The following THSD7B variants were observed in gnomAD, a reference collection of about 807,000 sequenced individuals.
The protein encoded by THSD7B is thrombospondin type-1 domain-containing protein 7B.
Under a neutral mutation model 213.6 loss-of-function variants are expected in THSD7B, and 138 were observed. The observed-to-expected ratio is 0.65, with a 90% confidence interval of 0.56 to 0.74. THSD7B has a LOEUF of 0.74. THSD7B is among the 30% of genes least tolerant of loss of function. The pLI, the probability that THSD7B is intolerant of heterozygous loss-of-function variation, is 0.00. For synonymous variants in THSD7B, 742 were observed against 687.0 expected (o/e 1.08, Z -1.25); for missense variants, 1,931 against 1,991.5 (o/e 0.97, Z 0.58).
At chr2:136,976,452 G>A (rs1276241223) in intron 2 of THSD7B, among the ~76,000 whole-genome samples, 2 of 152,068 alleles carry the variant, frequency 1.3e-5, no homozygotes, top group Non-Finnish European at 1.5e-5. Context: ...CTTTAGTTCT[G>A]TTTATGTGAT....
chr2:137,007,754 A>G (rs978397232), intron 2 of THSD7B, among the ~76,000 whole-genome samples: 13 of 152,198 alleles, frequency 8.5e-5, no homozygotes, highest in African/African-American at 2.9e-4. Context: ...ATGTTTCTAT[A>G]GAGATTATAT....
chr2:136,840,127 C>T (rs1682900644), intron 1 of THSD7B, among the ~76,000 whole-genome samples: 1 of 152,080 alleles, frequency 6.6e-6, no homozygotes, highest in Admixed American at 6.5e-5. Context: ...ACCTGTAATC[C>T]CAGCACTTTG....
chr2:137,098,073 A>G, intron 4 of THSD7B, among the ~76,000 whole-genome samples: 1 of 152,334 alleles, frequency 6.6e-6, no homozygotes, highest in African/African-American at 2.4e-5. Flanking sequence ...ATTCATTGTT[A>G]ACAAGGGAAA....
At chr2:137,254,757 C>T (rs1682265351) in intron 10 of THSD7B, among the ~76,000 whole-genome samples, 1 of 151,998 alleles carries the variant, frequency 6.6e-6, no homozygotes, top group African/African-American at 2.4e-5. Context: ...TAATTTTCTC[C>T]ATTATGTATT....
In THSD7B at chr2:137,103,773, T is replaced by TA. The variant is rs199824921; in HGVS notation, c.1199+8660dup. The stretch of plus-strand genomic sequence containing the variant: ...AAAACAGACTTTAAACCAACAAAGA[T>TA]AAAAAAAATCAAAGAAGGGCATTAC... On this transcript the variant is annotated intron_variant, in intron 4 of 27. Transcript: ENST00000409968. Among the ~76,000 whole-genome samples, 1,204 of 150,584 alleles carry TA rather than the reference T, an allele frequency of 8.0e-3. 17 individuals are homozygous for TA. Among genetic ancestry groups the TA allele is most frequent in the African/African-American group, 0.027 (1,115 of 41,034 alleles).
chr2:137,017,848 C>G (rs531194489), intron 2 of THSD7B, among the ~76,000 whole-genome samples: 63 of 152,164 alleles, frequency 4.1e-4, no homozygotes, highest in African/African-American at 1.4e-3. Flanking sequence ...GTCTGTTGTT[C>G]TTTAAATTCT....
intron 15 of THSD7B, among the ~76,000 whole-genome samples, chr2:137,526,504 C>T (rs1304142065): frequency 1.3e-5 from 2 of 152,080 alleles, no homozygotes; most frequent in Non-Finnish European, 2.9e-5. Context: ...TCACTGCAAC[C>T]TCTGCCTCCT....
chr2:137,571,853 G>T (rs1056306587), intron 16 of THSD7B, among the ~76,000 whole-genome samples: 3 of 151,964 alleles, frequency 2.0e-5, no homozygotes, highest in Non-Finnish European at 2.9e-5. Flanking sequence ...TTACTGAAAT[G>T]CAGAAGTTAC....
intron 1 of THSD7B, among the ~76,000 whole-genome samples, chr2:136,866,035 T>C (rs553445159): frequency 6.2e-4 from 94 of 152,334 alleles, no homozygotes; most frequent in Admixed American, 1.2e-3. Flanking sequence ...AGAGGATGAT[T>C]TGATCAGCTT....
At chr2:137,459,559 G>A (rs1687841308) in intron 15 of THSD7B, among the ~76,000 whole-genome samples, 1 of 152,056 alleles carries the variant, frequency 6.6e-6, no homozygotes, top group South Asian at 2.1e-4. Context: ...CAGCTACCTG[G>A]AAGGCTGAGG....
chr2:137,336,667 C>T (rs1684645426), intron 12 of THSD7B, among the ~76,000 whole-genome samples: 1 of 152,108 alleles, frequency 6.6e-6, no homozygotes, highest in South Asian at 2.1e-4. Flanking sequence ...GAACACAGGA[C>T]AGGCAATTAA....
intron 12 of THSD7B, among the ~76,000 whole-genome samples, chr2:137,361,731 C>T (rs189052453): frequency 8.5e-5 from 13 of 152,136 alleles, no homozygotes; most frequent in South Asian, 6.2e-4. Context: ...TATGAGACTA[C>T]GTGAAAAGAC....
chr2:137,377,161 A>C (rs1451929916), intron 12 of THSD7B, among the ~76,000 whole-genome samples: 1 of 151,862 alleles, frequency 6.6e-6, no homozygotes, highest in Non-Finnish European at 1.5e-5. Flanking sequence ...GTAGATTATG[A>C]GCCCTCTTAG....
chr2:136,898,064 G>A (rs1361288129), intron 2 of THSD7B, among the ~76,000 whole-genome samples: 1 of 152,206 alleles, frequency 6.6e-6, no homozygotes, highest in East Asian at 1.9e-4. Context: ...TAGACACAGA[G>A]CGCTGATCAG....
In THSD7B at chr2:137,074,073, T is replaced by A. The variant is rs910153857; in HGVS notation, c.950+16843T>A. 1.1e-4 allele frequency among the ~76,000 whole-genome samples: 17 copies of A among 151,566 alleles called. 1 individual carries two copies. The highest frequency in any genetic ancestry group is 4.2e-4 in the African/African-American group (17 of 40,954). On this transcript the variant is annotated intron_variant, in intron 3 of 27. Coordinates refer to ENST00000409968, the MANE Select transcript of THSD7B (RefSeq NM_001316349.2). ...GAATGTACATTCTGTTGATTTGGGG[T>A]GGAGAGTTTTGTAAATGTCTATTAG... is the stretch of plus-strand genomic sequence containing the variant.
chr2:137,013,031 T>G (rs759577143), intron 2 of THSD7B, among the ~76,000 whole-genome samples: 2 of 152,176 alleles, frequency 1.3e-5, no homozygotes, highest in Non-Finnish European at 2.9e-5. Context: ...AAATGAATGT[T>G]TATTTACTTT....
At chr2:137,145,331 A>G (rs1679672908) in intron 5 of THSD7B, among the ~76,000 whole-genome samples, 1 of 152,060 alleles carries the variant, frequency 6.6e-6, no homozygotes, top group East Asian at 1.9e-4. Flanking sequence ...CCAGGATAAG[A>G]ATATTAATAT....
At chr2:136,786,062 A>G (rs1448563073) in intron 1 of THSD7B, among the ~76,000 whole-genome samples, 3 of 152,216 alleles carry the variant, frequency 2.0e-5, no homozygotes, top group Non-Finnish European at 1.5e-5. Context: ...AGTATTGTCC[A>G]TATAATCATG....
intron 12 of THSD7B, among the ~76,000 whole-genome samples, chr2:137,283,841 G>A (rs1220381637): frequency 6.6e-6 from 1 of 152,126 alleles, no homozygotes; most frequent in Non-Finnish European, 1.5e-5. Context: ...GTTCATCAAG[G>A]ATATTGGTCT....
Sources: gnomAD v4.1 joint callset for allele counts (sites outside exome capture counted in the v4.1 genomes callset) on GRCh38, gnomAD v4.1.1 for gene constraint, MANE v1.5 for transcripts, NCBI Gene and HGNC (gene_info 2026-07-23, HGNC 2026-07-21) for gene names.